WNT2: variants seen among roughly 807,000 people sequenced by gnomAD.
WNT2 encodes the protein protein Wnt-2.
Under a neutral mutation model 36.9 loss-of-function variants are expected in WNT2, and 12 were observed. The observed-to-expected ratio is 0.33, with a 90% CI of 0.21 to 0.53. The LOEUF (loss-of-function observed/expected upper bound fraction) is 0.53, where lower values mean the gene tolerates loss of function less well. WNT2 is among the 20% of genes least tolerant of loss of function. The pLI is 0.95. For synonymous variants in WNT2, 163 were observed against 174.6 expected (o/e 0.93, Z 0.52); for missense variants, 379 against 473.1 (o/e 0.80, Z 1.84).
chr7:117,301,393 TA>T (rs1459048296), intron 3 of WNT2, among the ~76,000 whole-genome samples: 1 of 151,990 alleles, frequency 6.6e-6, no homozygotes, highest in African/African-American at 2.4e-5. Flanking sequence ...TTTTCAAGAG[TA>T]ACTGAGGTGA....
intron 3 of WNT2, among the ~76,000 whole-genome samples, chr7:117,310,037 C>A (rs1286619592): frequency 6.6e-6 from 1 of 152,080 alleles, no homozygotes; most frequent in Non-Finnish European, 1.5e-5. Context: ...ACCTCAGCCT[C>A]CCCAGTAGCT....
intron 4 of WNT2, among the ~76,000 whole-genome samples, chr7:117,294,189 G>A (rs540425828): frequency 6.6e-6 from 1 of 152,172 alleles, no homozygotes; most frequent in Non-Finnish European, 1.5e-5. Context: ...ATGAGCCACT[G>A]TGCCTGGCCA....
chr7:117,278,470 C>A, intron 4 of WNT2, 86 bp from the exon 5 acceptor site: 1 of 1,317,526 alleles, frequency 7.6e-7, no homozygotes, highest in Non-Finnish European at 1.0e-6. Context: ...GGTCCATCCT[C>A]CAGGACAGAG....
intron 4 of WNT2, among the ~76,000 whole-genome samples, chr7:117,294,757 C>T (rs568978564): frequency 6.6e-5 from 10 of 152,296 alleles, no homozygotes; most frequent in South Asian, 4.1e-4. Context: ...CCAGCACCTG[C>T]GGCTGTGTGC....
In WNT2 at chr7:117,277,788, T is replaced by C. The variant is rs1269853280; in HGVS notation, c.*367A>G. The C allele has an allele frequency of 9.1e-6, 2 of 219,770 alleles. No homozygotes were observed. The highest frequency in any genetic ancestry group is 4.5e-5 in the African/African-American group (2 of 44,320). 13.6% of individuals were successfully genotyped at this position (219,770 alleles called of 1,614,324 possible). ...TGTGGGAAGACATTGAGAAAGCTCC[T>C]TTGAGACACTTTTTTTTCTGCTTGG... On this transcript the variant is annotated 3_prime_UTR_variant, in exon 5 of 5. Transcript: ENST00000265441.
chr7:117,305,194 A>G (rs1794992901), intron 3 of WNT2, among the ~76,000 whole-genome samples: 1 of 152,116 alleles, frequency 6.6e-6, no homozygotes, highest in South Asian at 2.1e-4. Context: ...CTTTTAGTCC[A>G]TCCATTTGTC....
intron 3 of WNT2, among the ~76,000 whole-genome samples, chr7:117,307,727 T>C (rs1472869085): frequency 6.6e-6 from 1 of 152,240 alleles, no homozygotes; most frequent in Non-Finnish European, 1.5e-5. Context: ...ATTTTTTTCT[T>C]GTAGGTACCT....
chr7:117,304,025 T>C (rs1426153208), intron 3 of WNT2, among the ~76,000 whole-genome samples: 1 of 152,234 alleles, frequency 6.6e-6, no homozygotes, highest in African/African-American at 2.4e-5. Flanking sequence ...GTATCCTAGA[T>C]GCCATGTTTT....
At chr7:117,303,510 A>C (rs980716272) in intron 3 of WNT2, among the ~76,000 whole-genome samples, 1 of 152,032 alleles carries the variant, frequency 6.6e-6, no homozygotes, top group Admixed American at 6.5e-5. Context: ...TAGCGGCAGG[A>C]TACTCCCCCT....
At chr7:117,318,915 A>T (rs1284631090) in intron 2 of WNT2, among the ~76,000 whole-genome samples, 1 of 152,210 alleles carries the variant, frequency 6.6e-6, no homozygotes, top group Non-Finnish European at 1.5e-5. Context: ...GCTTTGATGG[A>T]TATATTTTCT....
chr7:117,301,737 A>G (rs1193797753), intron 3 of WNT2, among the ~76,000 whole-genome samples: 1 of 152,078 alleles, frequency 6.6e-6, no homozygotes, highest in Non-Finnish European at 1.5e-5. Context: ...ACTATAAATC[A>G]CATTGTGATT....
chr7:117,298,954 C>G (rs1293538171), intron 3 of WNT2, among the ~76,000 whole-genome samples: 1 of 152,176 alleles, frequency 6.6e-6, no homozygotes, highest in African/African-American at 2.4e-5. Context: ...AGGTGTTTTT[C>G]CCACTTTACC....
intron 3 of WNT2, among the ~76,000 whole-genome samples, chr7:117,301,507 G>A (rs948937555): frequency 6.6e-6 from 1 of 152,152 alleles, no homozygotes; most frequent in Non-Finnish European, 1.5e-5. Flanking sequence ...ACCATGTATT[G>A]AGTGAGTGCT....
intron 3 of WNT2, among the ~76,000 whole-genome samples, chr7:117,310,506 C>T (rs1037445897): frequency 1.3e-5 from 2 of 150,660 alleles, no homozygotes; most frequent in Non-Finnish European, 2.9e-5. Context: ...TTGCTTGAGC[C>T]CAGGAGGTCC....
chr7:117,303,121 A>G (rs1191940917), intron 3 of WNT2, among the ~76,000 whole-genome samples: 1 of 152,116 alleles, frequency 6.6e-6, no homozygotes, highest in African/African-American at 2.4e-5. Flanking sequence ...TGGGCCTTGA[A>G]GGTACTTGTG....
chr7:117,290,211 T>G (rs548569392), intron 4 of WNT2, among the ~76,000 whole-genome samples: 1 of 152,002 alleles, frequency 6.6e-6, no homozygotes, highest in Non-Finnish European at 1.5e-5. Context: ...AGGGAGAAAG[T>G]ACAGAGAGAG....
At chr7:117,294,273 G>A (rs1201882223) in intron 4 of WNT2, among the ~76,000 whole-genome samples, 1 of 152,068 alleles carries the variant, frequency 6.6e-6, no homozygotes, top group Admixed American at 6.5e-5. Flanking sequence ...ATGGAAGCAG[G>A]TTTTCTCAGA....
chr7:117,302,833 G>T (rs939450088), intron 3 of WNT2, among the ~76,000 whole-genome samples: 1 of 152,132 alleles, frequency 6.6e-6, no homozygotes, highest in Non-Finnish European at 1.5e-5. Context: ...GTTTTTAAAG[G>T]CCTGCATATG....
chr7:117,318,521 T>A (rs779721650), intron 2 of WNT2, among the ~76,000 whole-genome samples: 1 of 152,234 alleles, frequency 6.6e-6, no homozygotes, highest in Non-Finnish European at 1.5e-5. Context: ...TTAGAATCTC[T>A]TATTTACCTG....
Sources: allele counts gnomAD v4.1 joint callset (sites outside exome capture counted in the v4.1 genomes callset), GRCh38; gene constraint gnomAD v4.1.1; transcripts MANE v1.5; gene names NCBI Gene and HGNC (gene_info 2026-07-23, HGNC 2026-07-21).